Variants in COL12A1 observed in about 807,000 individuals in gnomAD.
COL12A1 encodes collagen alpha-1(XII) chain.
In COL12A1, 114 loss-of-function variants were observed where a neutral mutation model predicts 349.7. The ratio of observed to expected loss-of-function variants is 0.33; its 90% CI spans 0.28 to 0.38. COL12A1 has a LOEUF of 0.38. Ranked by LOEUF, COL12A1 falls within the 10% of genes least tolerant of loss-of-function variation. The probability of loss-of-function intolerance (pLI) is 1.00; values close to 1 mark genes in which losing one functional copy is unlikely to be tolerated. For synonymous variants in COL12A1, 1,369 were observed against 1,329.0 expected (o/e 1.03, Z -0.66); for missense variants, 3,284 against 3,756.9 (o/e 0.87, Z 3.29).
chr6:75,123,229 A>G, intron 43 of COL12A1, 101 bp downstream of exon 43: 3 of 1,042,034 alleles, frequency 2.9e-6, no homozygotes, highest in Non-Finnish European at 4.4e-6. Context: ...ATAATAGATC[A>G]GAAATGTTCT....
chr6:75,142,295 T>C, intron 26 of COL12A1, 134 bp from the exon 27 acceptor site: 2 of 1,028,802 alleles, frequency 1.9e-6, no homozygotes, highest in South Asian at 1.7e-5. Context: ...CCAATATACA[T>C]GAGAATCCAG....
At chr6:75,180,581 T>TATATATATATA (rs1366479758) in intron 11 of COL12A1, among the ~76,000 whole-genome samples, 1 of 151,880 alleles carries the variant, frequency 6.6e-6, no homozygotes, top group African/African-American at 2.4e-5. Context: ...CATATATATA[T>TATATATATATA]TTGCCGTAAC....
At chr6:75,146,291 A>T in intron 23 of COL12A1, 47 bp from the exon 24 acceptor site, 2 of 1,513,998 alleles carry the variant, frequency 1.3e-6, no homozygotes, top group Non-Finnish European at 1.8e-6. Flanking sequence ...CTTTCATTCC[A>T]CTCATTTTTA....
At chr6:75,091,018 T>C (rs954440750) in intron 62 of COL12A1, among the ~76,000 whole-genome samples, 4 of 152,144 alleles carry the variant, frequency 2.6e-5, no homozygotes, top group African/African-American at 9.7e-5. Flanking sequence ...AAATTCATCT[T>C]GGTGGGCCCC....
rs144767592 is a variant in COL12A1, at chr6:75,100,885, A to T, written c.8523+715T>A. ...TGGAACCATAAGATGCTGGAAAGTC[A>T]TTAGTTCCTTTGTTCTGAGAAACTC... On this transcript the variant is annotated intron_variant, in intron 58 of 65. Coordinates refer to ENST00000322507, the MANE Select transcript of COL12A1 (RefSeq NM_004370.6). Among the ~76,000 whole-genome samples, 943 of 152,344 alleles carry T rather than the reference A, an allele frequency of 6.2e-3. 9 individuals carry two copies. Among genetic ancestry groups the T allele is most frequent in the South Asian group, 0.06 (289 of 4,822 alleles).
intron 22 of COL12A1, 99 bp from the exon 23 acceptor site, chr6:75,147,903 T>C (rs1157055014): frequency 3.2e-6 from 4 of 1,250,622 alleles, no homozygotes; most frequent in Admixed American, 2.5e-5. Context: ...GCTTAGAATC[T>C]ATATTTCAAT....
In COL12A1 at chr6:75,180,921, G is replaced by T. The variant is rs183023584; in HGVS notation, c.2164+18C>A. On this transcript the variant is annotated intron_variant, in intron 11 of 65. Coordinates refer to ENST00000322507, the MANE Select transcript of COL12A1 (RefSeq NM_004370.6). ...ATTATTCATTTTCTGAATAACAGTG[G>T]CAGAAACCCCATCACACCTTCTTCG... The T allele has an allele frequency of 6.9e-4, 1,106 of 1,600,468 alleles. 21 individuals carry two copies. The South Asian group carries it at 0.011, about 16-fold the overall frequency.
At chr6:75,141,794 T>C (rs1448995911) in intron 27 of COL12A1, among the ~76,000 whole-genome samples, 1 of 152,068 alleles carries the variant, frequency 6.6e-6, no homozygotes, top group Non-Finnish European at 1.5e-5. Context: ...CAAGTAGTTG[T>C]AGTTGGAAGA....
chr6:75,152,203 C>T lies in COL12A1; in HGVS notation c.3763G>A (p.Ala1255Thr). 10 of 1,613,786 alleles carry T rather than the reference C, an allele frequency of 6.2e-6. No homozygotes were observed. The highest frequency in any genetic ancestry group is 8.5e-6 in the Non-Finnish European group (10 of 1,179,814). The change falls in exon 19 of 66, where the codon GCA becomes ACA. Residue 1255 changes from alanine to threonine, a missense_variant. This residue lies in a region of COL12A1 where 2,601 missense variants were observed against 2,824.8 expected (regional missense o/e 0.92). Transcript: ENST00000322507. ...GDPRTEWQLNAHRDKKSLLQA... is the reference protein window; with the variant it reads ...GDPRTEWQLNTHRDKKSLLQA... ...AACAAGCTCTTCTTGTCTCTGTGTG[C>T]ATTTAACTGCCACTCTGTTCTGGGA...
chr6:75,137,369 A>G (rs1179550073), intron 31 of COL12A1, 68 bp downstream of exon 31: 3 of 1,397,666 alleles, frequency 2.1e-6, no homozygotes, highest in Non-Finnish European at 2.9e-6. Flanking sequence ...CTAAGCACTG[A>G]GGGGGAAAAA....
At chr6:75,152,066 A>T (rs1582139421) in intron 19 of COL12A1, 35 bp from the exon 20 acceptor site, 1 of 1,613,620 alleles carries the variant, frequency 6.2e-7, no homozygotes, top group Admixed American at 1.7e-5. Context: ...CAGTCACATC[A>T]CCATTCAGCC....
Position 75,124,282 on chromosome 6 carries a change from A to G in COL12A1, c.6697T>C (p.Tyr2233His). 1 of 1,613,818 alleles carries G rather than the reference A, an allele frequency of 6.2e-7. No individual in the cohort carries two copies. Residue 2233 changes from tyrosine to histidine, a missense_variant, in exon 41 of 66, where the codon TAC becomes CAC. By Grantham distance (83) the Tyr-to-His change is moderately conservative (BLOSUM62 2). Transcript: ENST00000322507. Reference protein sequence around the residue: ...KWSPHRAATSYRLKLSPADGT... With the variant: ...KWSPHRAATSHRLKLSPADGT... ...TCTGCAGGGCTTAGTTTTAGCCTGT[A>G]GGAGGTGGCTGCCCGGTGAGGTGAC...
At chr6:75,172,846 C>T (rs1363432198) in intron 13 of COL12A1, among the ~76,000 whole-genome samples, 1 of 152,118 alleles carries the variant, frequency 6.6e-6, no homozygotes, top group Non-Finnish European at 1.5e-5. Context: ...AAAACGCAGA[C>T]GAAAAATACA....
At chr6:75,118,634 T>G (rs551660685) in intron 46 of COL12A1, among the ~76,000 whole-genome samples, 1 of 152,224 alleles carries the variant, frequency 6.6e-6, no homozygotes, top group Admixed American at 6.5e-5. Flanking sequence ...AACATATCTT[T>G]TAGCACTCAT....
At chr6:75,139,372 A>C (rs1231329703) in intron 27 of COL12A1, among the ~76,000 whole-genome samples, 2 of 152,230 alleles carry the variant, frequency 1.3e-5, no homozygotes, top group African/African-American at 4.8e-5. Flanking sequence ...GTCCTTATTA[A>C]CCGAGAATGT....
At chr6:75,088,649 A>G (rs534470879) in intron 64 of COL12A1, among the ~76,000 whole-genome samples, 1 of 152,216 alleles carries the variant, frequency 6.6e-6, no homozygotes, top group South Asian at 2.1e-4. Context: ...GAAGTTATGG[A>G]GGTTGAACTT....
chr6:75,177,227 A>G (rs1361166400), intron 12 of COL12A1, among the ~76,000 whole-genome samples: 1 of 152,192 alleles, frequency 6.6e-6, no homozygotes, highest in East Asian at 1.9e-4. Flanking sequence ...ACCTGAGGTC[A>G]GGAGTCTCAG....
chr6:75,104,148 T>C (rs1582053336), intron 54 of COL12A1, among the ~76,000 whole-genome samples: 1 of 152,268 alleles, frequency 6.6e-6, no homozygotes, highest in Middle Eastern at 3.4e-3. Flanking sequence ...GGGAAAATGA[T>C]GGGCAAAAAG....
In COL12A1 at chr6:75,181,230, AG is replaced by A; in HGVS notation, c.1892-20del. ...ACGTAAGCTATTTAAAAAAAAAAAA[AG>A]ACAGTTAAAAATGCTTGAATCTATA... On this transcript the variant is annotated intron_variant, in intron 10 of 65. Transcript: ENST00000322507. The A allele has an allele frequency of 1.3e-6, 2 of 1,553,274 alleles. No homozygotes were observed. Among genetic ancestry groups the A allele is most frequent in the Non-Finnish European group, 1.7e-6 (2 of 1,148,786 alleles).
Sources: gnomAD v4.1 joint callset for allele counts (sites outside exome capture counted in the v4.1 genomes callset) on GRCh38, gnomAD v4.1.1 for gene constraint, gnomAD v4.1.1 regional missense constraint, MANE v1.5 for transcripts, NCBI Gene and HGNC (gene_info 2026-07-23, HGNC 2026-07-21) for gene names.